The following PDZD7 variants were observed in gnomAD, a reference collection of about 807,000 sequenced individuals.
The protein encoded by PDZD7 is PDZ domain-containing protein 7.
Under a neutral mutation model 84.7 loss-of-function variants are expected in PDZD7, and 72 were observed. The observed-to-expected ratio is 0.85, with a 90% CI of 0.70 to 1.03. PDZD7 has a LOEUF of 1.03. PDZD7 is among the 50% of genes least tolerant of loss of function. PDZD7 has a pLI of 0.00. For synonymous variants in PDZD7, 594 were observed against 580.7 expected (o/e 1.02, Z -0.33); for missense variants, 1,490 against 1,412.9 (o/e 1.05, Z -0.87).
chr10:101,009,227 G>A, intron 16 of PDZD7, 23 bp downstream of exon 16: 1 of 1,517,406 alleles, frequency 6.6e-7, no homozygotes, highest in Non-Finnish European at 8.8e-7. Flanking sequence ...CTGAGAGGGT[G>A]GGCCAGGGCA....
chr10:101,022,127 C>G (rs1220673476), intron 5 of PDZD7, 82 bp downstream of exon 5: 1 of 1,593,352 alleles, frequency 6.3e-7, no homozygotes, highest in East Asian at 2.2e-5. Context: ...CACTTGCTGA[C>G]CATCCCCACA....
chr10:101,026,492 G>C (rs574706652), intron 2 of PDZD7, among the ~76,000 whole-genome samples: 2 of 151,708 alleles, frequency 1.3e-5, no homozygotes, highest in East Asian at 1.9e-4. Context: ...GGGGGGTAAG[G>C]GGGGGCACTG....
chr10:101,030,627 C>T (rs528331250), intron 1 of PDZD7: 4 of 372,814 alleles, frequency 1.1e-5, no homozygotes, highest in East Asian at 6.7e-5. Context: ...CATCTACTCC[C>T]GTCCCCAGTC....
chr10:101,015,888 G>A (rs1173106855), intron 10 of PDZD7, 77 bp from the exon 11 acceptor site: 24 of 1,450,482 alleles, frequency 1.7e-5, no homozygotes, highest in East Asian at 2.5e-5. Flanking sequence ...GGCCAGCTGA[G>A]AGCCCAGGTA....
chr10:101,009,131 A>C (rs896247212), intron 16 of PDZD7, 119 bp downstream of exon 16: 1 of 975,488 alleles, frequency 1.0e-6, no homozygotes, highest in African/African-American at 1.6e-5. Context: ...CCTCACCCCA[A>C]GCCTCCTCCC....
intron 15 of PDZD7, among the ~76,000 whole-genome samples, chr10:101,010,005 C>T (rs1470692190): frequency 2.0e-5 from 3 of 152,262 alleles, no homozygotes; most frequent in African/African-American, 2.4e-5. Flanking sequence ...GTGATTCTCC[C>T]GCTCAGCCTT....
intron 8 of PDZD7, 95 bp from the exon 9 acceptor site, chr10:101,018,391 G>A (rs1030265893): frequency 1.5e-6 from 2 of 1,350,460 alleles, no homozygotes; most frequent in African/African-American, 2.9e-5. Context: ...AGAAGGGAGA[G>A]GAGAGGGCAG....
intron 3 of PDZD7, 101 bp downstream of exon 3, chr10:101,023,827 T>C: frequency 6.3e-7 from 1 of 1,586,408 alleles, no homozygotes; most frequent in East Asian, 2.2e-5. Context: ...CCTCCAGAGC[T>C]GGGGACTCTT....
chr10:101,018,119 G>T lies in PDZD7; in HGVS notation c.1502C>A (p.Pro501His), dbSNP rs761425964. Residue 501 changes from proline to histidine, a missense_variant, in exon 9 of 17, where the codon CCT (proline) becomes CAT (histidine). By Grantham distance (77) the Pro-to-His change is moderately conservative (BLOSUM62 -2). Coordinates refer to ENST00000619208, the MANE Select transcript of PDZD7 (RefSeq NM_001195263.2). ...LDSGSLAKTY[P>H]RLDIEKAGGV... ...CTTACCTTTCTCTATGTCCAGGCGA[G>T]GGTAAGTTTTGGCCAGGCTCCCGCT... The T allele has an allele frequency of 1.2e-6, 2 of 1,614,088 alleles. No individual in the cohort carries two copies. The highest frequency in any genetic ancestry group is 2.7e-5 in the African/African-American group (2 of 74,932).
chr10:101,011,621 A>G, intron 14 of PDZD7, 69 bp downstream of exon 14: 1 of 1,520,148 alleles, frequency 6.6e-7, no homozygotes. Context: ...AAGAAGTAGA[A>G]GGCCCATCCT....
At position 101,010,499 on chromosome 10, in the gene PDZD7, G is replaced by T; in HGVS notation, c.2390C>A (p.Pro797Gln). 2 of 1,534,276 alleles carry T rather than the reference G, an allele frequency of 1.3e-6. No individual in the cohort carries two copies. The highest frequency in any genetic ancestry group is 8.7e-7 in the Non-Finnish European group (1 of 1,145,456). The change falls in exon 15 of 17, where the codon CCA (proline) becomes CAA (glutamine). Residue 797 changes from proline (P) to glutamine (Q), a missense_variant. Pro to Gln is a moderately conservative substitution (Grantham distance 76, BLOSUM62 -1). Coordinates refer to ENST00000619208, the MANE Select transcript of PDZD7 (RefSeq NM_001195263.2). ...GGGGGCAGGGGTAGGCACCGGGGAT[G>T]GGGAGCGTCTACCTGGAGACTTGCC... ...GQGKSPGRRS[P>Q]SPVPTPAPSM...
chr10:101,015,767 G>T lies in PDZD7; in HGVS notation c.1618C>A (p.Pro540Thr). 6.5e-7 allele frequency: 1 copy of T among 1,549,840 alleles called. No homozygotes were observed. ...TCCACATTAGGCAGCTGGCTGGAGG[G>T]ACTCCCAGACCTGGCAGACAGCAGG... Reference protein sequence around the residue: ...RALLSARSGSPSSQLPNVDEQ... With the variant: ...RALLSARSGSTSSQLPNVDEQ... Residue 540 changes from proline (P) to threonine (T), a missense_variant, in exon 11 of 17, where the codon CCC becomes ACC. Pro to Thr is a conservative substitution (Grantham distance 38, BLOSUM62 -1). Transcript: ENST00000619208.
At chr10:101,018,620 G>A (rs1171178596) in intron 8 of PDZD7, among the ~76,000 whole-genome samples, 2 of 152,190 alleles carry the variant, frequency 1.3e-5, no homozygotes, top group Admixed American at 1.3e-4. Context: ...GGGGAACAGG[G>A]GCTGAGACTA....
rs1853276543 is a variant in PDZD7, at chr10:101,023,953, G to A, written c.342C>T (p.Ser114=). Residue 114 remains serine (S), a synonymous_variant, in exon 3 of 17, where the codon AGC becomes AGT. Transcript: ENST00000619208. ...CTGCACTGCTGCCTTCCTCCACTTTGCTGACGAAGATGCCCAGGCCATGCT... is the reference window on the plus strand; with the variant it reads ...CTGCACTGCTGCCTTCCTCCACTTTACTGACGAAGATGCCCAGGCCATGCT... ...GSEHGLGIFV[S]KVEEGSSAER... The A allele has an allele frequency of 6.2e-7, 1 of 1,614,244 alleles. No homozygotes were observed. The highest frequency in any genetic ancestry group is 1.3e-5 in the African/African-American group (1 of 75,070).
At chr10:101,022,572 A>G (rs1853178114) in intron 4 of PDZD7, among the ~76,000 whole-genome samples, 187 bp from the exon 5 acceptor site, 1 of 150,222 alleles carries the variant, frequency 6.7e-6, no homozygotes, top group Admixed American at 6.6e-5. Context: ...TTTATTGAGC[A>G]GCTGCAATGT....
intron 2 of PDZD7, 25 bp downstream of exon 2, chr10:101,029,969 G>A (rs778697645): frequency 2.4e-5 from 37 of 1,571,860 alleles, no homozygotes; most frequent in Non-Finnish European, 4.4e-6. Flanking sequence ...CCCAACCCAG[G>A]CCAGTGGCTG....
Position 101,008,774 on chromosome 10 carries a change from C to G in PDZD7, c.2795G>C (p.Arg932Pro). ...CCGGGCCTTGTTTCGATAAGCCCGA[C>G]GGATGGTGTCTACTGCACGCTGGTG... Reference protein sequence around the residue: ...VTHQRAVDTIRRAYRNKAREP... With the variant: ...VTHQRAVDTIPRAYRNKAREP... Residue 932 changes from arginine to proline, a missense_variant, in exon 17 of 17, where the codon CGT becomes CCT. Transcript: ENST00000619208. The G allele has an allele frequency of 1.3e-6, 2 of 1,535,368 alleles. No individual in the cohort carries two copies.
In PDZD7 at chr10:101,030,210, C is replaced by T. The variant is rs1480115321; in HGVS notation, c.10G>A (p.Gly4Ser). 1 of 1,608,772 alleles carries T rather than the reference C, an allele frequency of 6.2e-7. No homozygotes were observed. Among genetic ancestry groups the T allele is most frequent in the East Asian group, 2.2e-5 (1 of 44,762 alleles). Residue 4 changes from glycine to serine, a missense_variant, in exon 2 of 17, where the codon GGT (glycine) becomes AGT (serine). Physicochemically the swap from Gly to Ser is moderately conservative, Grantham distance 56. Coordinates refer to ENST00000619208, the MANE Select transcript of PDZD7 (RefSeq NM_001195263.2). MAQ[G>S]FAVGFDPLGL... is the part of the protein sequence containing the mutation. ...AGTGGGTCGAAGCCCACTGCGAAAC[C>T]CTGCGCCATGGCGGCTGGGCTAGGG...
chr10:101,025,702 C>T (rs1464048360), intron 2 of PDZD7, among the ~76,000 whole-genome samples: 1 of 151,724 alleles, frequency 6.6e-6, no homozygotes, highest in Non-Finnish European at 1.5e-5. Context: ...CGCCCACCAC[C>T]ACGCCCGGCT....
Sources: allele counts gnomAD v4.1 joint callset (sites outside exome capture counted in the v4.1 genomes callset), GRCh38; gene constraint gnomAD v4.1.1; transcripts MANE v1.5; gene names NCBI Gene and HGNC (gene_info 2026-07-23, HGNC 2026-07-21).